Variants in RUFY3 observed in about 807,000 individuals in gnomAD.
The protein encoded by RUFY3 is protein RUFY3.
A neutral mutation model predicts 84.0 loss-of-function variants in RUFY3; 34 were observed. The observed-to-expected ratio is 0.40, with a 90% confidence interval of 0.31 to 0.54. The LOEUF is 0.54. Ranked by LOEUF, RUFY3 falls within the 20% of genes least tolerant of loss-of-function variation. The probability of loss-of-function intolerance (pLI) is 0.39; values close to 1 mark genes in which losing one functional copy is unlikely to be tolerated. For missense variants in RUFY3, 507 were observed against 736.8 expected (o/e 0.69, Z 3.61); for synonymous variants, 242 against 252.9 (o/e 0.96, Z 0.41).
At chr4:70,801,266 T>A (rs1225250900) in intron 15 of RUFY3, among the ~76,000 whole-genome samples, 1 of 151,778 alleles carries the variant, frequency 6.6e-6, no homozygotes, top group East Asian at 1.9e-4. Flanking sequence ...CTCTGTATGA[T>A]ACTATGATGG....
chr4:70,744,533 A>G (rs912623981), intron 1 of RUFY3, among the ~76,000 whole-genome samples: 1 of 152,100 alleles, frequency 6.6e-6, no homozygotes, highest in Non-Finnish European at 1.5e-5. Flanking sequence ...GAGTGTTAAC[A>G]CTGGCTTCTG....
intron 14 of RUFY3, 144 bp downstream of exon 14, chr4:70,795,038 T>C (rs1731332080): frequency 1.6e-6 from 1 of 619,898 alleles, no homozygotes. Flanking sequence ...CTAGTAATTA[T>C]GTGAACAAAT....
intron 1 of RUFY3, among the ~76,000 whole-genome samples, chr4:70,730,116 G>A (rs1718998637): frequency 6.6e-6 from 1 of 151,878 alleles, no homozygotes; most frequent in Non-Finnish European, 1.5e-5. Flanking sequence ...TGTATTTTTA[G>A]TAGAGACAGG....
rs909266376 is a variant in RUFY3 at position 70,784,231 on chromosome 4, C to A, written c.988-565C>A. On this transcript the variant is annotated intron_variant, in intron 9 of 17. Coordinates refer to ENST00000381006, the MANE Select transcript of RUFY3 (RefSeq NM_001037442.4). ...GGGTGCAGTGGCTCACGCCTGTAAT[C>A]CCAGCACTTTGGGAGGCCAAGGAGG... is the stretch of plus-strand genomic sequence containing the variant. Among the ~76,000 whole-genome samples, 10 of 152,322 alleles carry A rather than the reference C, an allele frequency of 6.6e-5. No homozygotes were observed. In the East Asian group the frequency reaches 1.9e-3, roughly 29 times the overall value.
At chr4:70,738,096 A>G (rs1720675927) in intron 1 of RUFY3, among the ~76,000 whole-genome samples, 1 of 146,944 alleles carries the variant, frequency 6.8e-6, no homozygotes, top group Non-Finnish European at 1.5e-5. Context: ...CAATCCTCCT[A>G]CCTTGGCCTC....
chr4:70,773,951 A>G (rs1727408250), intron 6 of RUFY3, among the ~76,000 whole-genome samples: 2 of 152,184 alleles, frequency 1.3e-5, no homozygotes, highest in African/African-American at 4.8e-5. Flanking sequence ...GTTATGTAAA[A>G]TATTGACATT....
intron 1 of RUFY3, chr4:70,741,530 G>A (rs1456745151): frequency 4.0e-6 from 4 of 995,606 alleles, no homozygotes; most frequent in African/African-American, 1.7e-5. Context: ...CTCCCTTTCA[G>A]TTATCCCTTT....
Position 70,764,139 on chromosome 4 carries a change from C to T in RUFY3, c.471-336C>T, listed in dbSNP as rs143302578. Reference sequence around the variant, plus strand: ...GACAGAGGCCTAGATTGCCTGTGTCCACATTCATGCTTTGGACATTTATAT... The same window carrying T: ...GACAGAGGCCTAGATTGCCTGTGTCTACATTCATGCTTTGGACATTTATAT... On this transcript the variant is annotated intron_variant, in intron 3 of 17. Coordinates refer to ENST00000381006, the MANE Select transcript of RUFY3 (RefSeq NM_001037442.4). Among the ~76,000 whole-genome samples the T allele has an allele frequency of 6.2e-3, 937 of 152,296 alleles. 5 individuals are homozygous for T. Among genetic ancestry groups the T allele is most frequent in the Middle Eastern group, 0.02 (6 of 294 alleles).
chr4:70,766,036 C>T (rs568145934), intron 4 of RUFY3, among the ~76,000 whole-genome samples: 3 of 152,272 alleles, frequency 2.0e-5, no homozygotes, highest in South Asian at 2.1e-4. Context: ...GCTGGGATTA[C>T]AGGCGTGAGC....
chr4:70,708,888 AT>A (rs1740655869), intron 1 of RUFY3, among the ~76,000 whole-genome samples: 1 of 151,936 alleles, frequency 6.6e-6, no homozygotes. Flanking sequence ...CAAAAAAAAA[AT>A]TTTTTAAATT....
chr4:70,736,419 C>G (rs898934738), intron 1 of RUFY3, among the ~76,000 whole-genome samples: 1 of 152,228 alleles, frequency 6.6e-6, no homozygotes, highest in South Asian at 2.1e-4. Context: ...GGTTCACTTG[C>G]AAACTCAAAA....
intron 1 of RUFY3, among the ~76,000 whole-genome samples, chr4:70,725,537 A>C (rs1309724787): frequency 2.0e-5 from 3 of 151,938 alleles, no homozygotes; most frequent in Non-Finnish European, 4.4e-5. Context: ...TTGCATGTTG[A>C]TCAGGCTGGT....
intron 1 of RUFY3, among the ~76,000 whole-genome samples, chr4:70,706,097 G>T (rs1560428152): frequency 6.6e-6 from 1 of 152,144 alleles, no homozygotes; most frequent in Non-Finnish European, 1.5e-5. Flanking sequence ...AAACGAGTAG[G>T]GCCCTAGAGT....
intron 8 of RUFY3, among the ~76,000 whole-genome samples, chr4:70,779,819 C>T (rs1728603395): frequency 6.6e-6 from 1 of 152,054 alleles, no homozygotes; most frequent in African/African-American, 2.4e-5. Flanking sequence ...AGTGACCCGC[C>T]TGCCTCGGCC....
exon 1 of RUFY3, chr4:70,705,042 G>A (rs949832442): frequency 8.1e-7 from 1 of 1,227,322 alleles, no homozygotes; most frequent in Non-Finnish European, 1.0e-6. Context: ...CGCTCCCGCC[G>A]GGGGCACGGA....
chr4:70,781,931 C>T (rs906553453), intron 8 of RUFY3, among the ~76,000 whole-genome samples: 1 of 152,120 alleles, frequency 6.6e-6, no homozygotes, highest in Non-Finnish European at 1.5e-5. Flanking sequence ...CTTACTTTTT[C>T]CTTCTAAGAA....
chr4:70,748,562 T>C (rs1206098079), intron 1 of RUFY3, among the ~76,000 whole-genome samples: 1 of 152,170 alleles, frequency 6.6e-6, no homozygotes, highest in Non-Finnish European at 1.5e-5. Context: ...TAATAAAGCC[T>C]CTTGCTGTTT....
chr4:70,779,456 AT>A (rs1728530366), intron 8 of RUFY3, among the ~76,000 whole-genome samples: 1 of 151,946 alleles, frequency 6.6e-6, no homozygotes, highest in East Asian at 1.9e-4. Flanking sequence ...TAATAAAAAT[AT>A]TTTTTCCTTA....
At chr4:70,765,997 G>A (rs546629477) in intron 4 of RUFY3, among the ~76,000 whole-genome samples, 191 of 152,026 alleles carry the variant, frequency 1.3e-3, no homozygotes, top group South Asian at 2.7e-3. Context: ...TCTTGATCTC[G>A]TGATCCACCC....
Sources: gnomAD v4.1 joint callset for allele counts (sites outside exome capture counted in the v4.1 genomes callset) on GRCh38, gnomAD v4.1.1 for gene constraint, MANE v1.5 for transcripts, NCBI Gene and HGNC (gene_info 2026-07-23, HGNC 2026-07-21) for gene names.